The following CRB1 variants were observed in gnomAD, a reference collection of about 807,000 sequenced individuals.
The protein encoded by CRB1 is crumbs cell polarity complex component 1.
Under a neutral mutation model 120.0 loss-of-function variants are expected in CRB1, and 83 were observed. The observed-to-expected ratio is 0.69, with a 90% CI of 0.58 to 0.83. CRB1 has a LOEUF of 0.83. Ranked by LOEUF, CRB1 falls within the 40% of genes least tolerant of loss-of-function variation. The pLI, the probability that CRB1 is intolerant of heterozygous loss-of-function variation, is 0.00. For missense variants in CRB1, 1,699 were observed against 1,687.6 expected, an observed-to-expected ratio of 1.01 and a Z score of -0.12; for synonymous variants, 625 against 612.5, an observed-to-expected ratio of 1.02 and a Z score of -0.30.
the CRB1 span, among the ~76,000 whole-genome samples, chr1:197,232,977 G>A: frequency 2.0e-5 from 3 of 151,638 alleles, no homozygotes; most frequent in Non-Finnish European, 4.4e-5. Context: ...GATATACTTC[G>A]GATTTATTTT....
At chr1:197,298,621 C>T (rs1656679517) in intron 1 of CRB1, among the ~76,000 whole-genome samples, 1 of 151,938 alleles carries the variant, frequency 6.6e-6, no homozygotes. Context: ...GGGAATATGT[C>T]CTACCAGATA....
the CRB1 span, among the ~76,000 whole-genome samples, chr1:197,245,215 C>T: frequency 6.6e-6 from 1 of 152,038 alleles, no homozygotes; most frequent in African/African-American, 2.4e-5. Flanking sequence ...TCCCCACTTC[C>T]CTCACCCCAC....
intron 1 of CRB1, among the ~76,000 whole-genome samples, chr1:197,286,068 A>G (rs1040548448): frequency 7.2e-5 from 11 of 151,870 alleles, no homozygotes; most frequent in East Asian, 5.9e-4. Flanking sequence ...TACTATTCCT[A>G]GCTTCTTAGC....
intron 8 of CRB1, among the ~76,000 whole-genome samples, chr1:197,434,175 A>G (rs1471547294): frequency 6.6e-6 from 1 of 152,098 alleles, no homozygotes; most frequent in East Asian, 1.9e-4. Context: ...AGGTAAGTAA[A>G]TCAGTCATTT....
chr1:197,243,682 A>G, the CRB1 span, among the ~76,000 whole-genome samples: 1 of 152,116 alleles, frequency 6.6e-6, no homozygotes, highest in Admixed American at 6.6e-5. Context: ...GTAGATGTCT[A>G]TTAGGTTTGC....
At chr1:197,222,222 A>G in the CRB1 span, 2 of 499,430 alleles carry the variant, frequency 4.0e-6, no homozygotes, top group South Asian at 1.8e-5. Context: ...CAGCGGCACC[A>G]TGATTGTGTT....
intron 5 of CRB1, among the ~76,000 whole-genome samples, chr1:197,407,853 A>G (rs1029133751): frequency 5.3e-5 from 8 of 152,220 alleles, no homozygotes; most frequent in Admixed American, 1.3e-4. Context: ...ATGTCCATTC[A>G]TGGATACATT....
chr1:197,236,195 CTTTTTT>C, the CRB1 span, among the ~76,000 whole-genome samples: 2 of 113,044 alleles, frequency 1.8e-5, no homozygotes, highest in Non-Finnish European at 1.8e-5. Context: ...CTTTTATTTC[CTTTTTT>C]TTTTTTTTTT....
the CRB1 span, among the ~76,000 whole-genome samples, chr1:197,215,900 G>A: frequency 6.6e-6 from 1 of 152,168 alleles, no homozygotes; most frequent in Non-Finnish European, 1.5e-5. Context: ...AATAAAGAAT[G>A]TAACTAGGTC....
At chr1:197,472,752 G>T (rs572940101) in intron 11 of CRB1, among the ~76,000 whole-genome samples, 8 of 152,058 alleles carry the variant, frequency 5.3e-5, no homozygotes, top group Non-Finnish European at 1.2e-4. Context: ...TTCCACCAGC[G>T]CCACATCAGC....
chr1:197,293,873 A>G (rs941034487), intron 1 of CRB1, among the ~76,000 whole-genome samples: 1 of 152,194 alleles, frequency 6.6e-6, no homozygotes, highest in Non-Finnish European at 1.5e-5. Flanking sequence ...TAGAAAGCTG[A>G]AACTGGATCC....
At chr1:197,300,035 A>G (rs756351218) in intron 1 of CRB1, among the ~76,000 whole-genome samples, 1 of 151,940 alleles carries the variant, frequency 6.6e-6, no homozygotes, top group Non-Finnish European at 1.5e-5. Context: ...CCATGCCCAT[A>G]TGGCAACCAA....
At chr1:197,347,639 T>G (rs1321563228) in intron 4 of CRB1, among the ~76,000 whole-genome samples, 160 bp downstream of exon 4, 1 of 152,260 alleles carries the variant, frequency 6.6e-6, no homozygotes, top group African/African-American at 2.4e-5. Context: ...CACACATATT[T>G]ACTGCTATAC....
chr1:197,361,053 G>T (rs932214464), intron 5 of CRB1, among the ~76,000 whole-genome samples: 1 of 152,070 alleles, frequency 6.6e-6, no homozygotes, highest in African/African-American at 2.4e-5. Context: ...GTGGTAGATT[G>T]CTCTGGTTCA....
intron 1 of CRB1, among the ~76,000 whole-genome samples, chr1:197,269,146 C>A (rs1017281496): frequency 1.3e-5 from 2 of 152,222 alleles, no homozygotes; most frequent in African/African-American, 4.8e-5. Flanking sequence ...ATTGCCCCAG[C>A]TGTGTGTTTA....
At position 197,477,860 on chromosome 1, in the gene CRB1, C is replaced by A. The variant is rs757543515; in HGVS notation, c.4202C>A (p.Ala1401Glu). Residue 1401 changes from alanine to glutamate, a missense_variant, in exon 12 of 12, where the codon GCA (alanine) becomes GAA (glutamate). By Grantham distance (107) the Ala-to-Glu change is moderately radical. Coordinates refer to ENST00000367400, the MANE Select transcript of CRB1 (RefSeq NM_201253.3). Reference protein sequence around the residue: ...VEMWNLMPPPAMERLI With the variant: ...VEMWNLMPPPEMERLI Reference sequence around the variant, plus strand: ...ATGTGGAACTTGATGCCACCCCCTGCAATGGAGAGACTGATTTAGGAGCAT... The same window carrying A: ...ATGTGGAACTTGATGCCACCCCCTGAAATGGAGAGACTGATTTAGGAGCAT... The A allele has an allele frequency of 2.5e-6, 4 of 1,613,780 alleles. No homozygotes were observed. Among genetic ancestry groups the A allele is most frequent in the East Asian group, 4.5e-5 (2 of 44,870 alleles).
the CRB1 span, among the ~76,000 whole-genome samples, chr1:197,247,279 A>G: frequency 5.3e-5 from 8 of 152,154 alleles, no homozygotes; most frequent in East Asian, 1.4e-3. Context: ...TGTTTCCACA[A>G]ATATTTTTTA....
At chr1:197,429,052 T>C (rs1203689555) in intron 7 of CRB1, 2 of 1,494,868 alleles carry the variant, frequency 1.3e-6, no homozygotes, top group South Asian at 2.4e-5. Context: ...GTTTCGCTTC[T>C]GTGTAGGATC....
intron 11 of CRB1, among the ~76,000 whole-genome samples, chr1:197,446,702 A>G (rs1363460302): frequency 1.3e-5 from 2 of 152,154 alleles, no homozygotes; most frequent in African/African-American, 2.4e-5. Context: ...AAGAAGGAGA[A>G]TTTGCACTAC....
Sources: gnomAD v4.1 joint callset for allele counts (sites outside exome capture counted in the v4.1 genomes callset) on GRCh38, gnomAD v4.1.1 for gene constraint, MANE v1.5 for transcripts, NCBI Gene and HGNC (gene_info 2026-07-23, HGNC 2026-07-21) for gene names.